The following DOCK3 variants were observed in gnomAD, a reference collection of about 807,000 sequenced individuals.
DOCK3 encodes dedicator of cytokinesis 3, also known as dedicator of cytokinesis protein 3.
In DOCK3, 60 loss-of-function variants were observed where a neutral mutation model predicts 265.6. That is an observed-to-expected ratio of 0.23 (90% CI 0.18 to 0.28). The LOEUF is 0.28. DOCK3 is among the 10% of genes least tolerant of loss of function. The pLI is 1.00. For synonymous variants in DOCK3, 881 were observed against 938.0 expected, an observed-to-expected ratio of 0.94 and a Z score of 1.11; for missense variants, 1,981 against 2,594.3, an observed-to-expected ratio of 0.76 and a Z score of 5.14.
chr3:51,293,476 A>G (rs1042525970), intron 27 of DOCK3, among the ~76,000 whole-genome samples: 5 of 152,198 alleles, frequency 3.3e-5, no homozygotes, highest in Admixed American at 1.3e-4. Context: ...AGAAGAATCA[A>G]CTGAAAATGG....
At chr3:51,309,618 GGAGAGCGAGAGCGAGAGCGAGAGC>G (rs71084141) in intron 27 of DOCK3, among the ~76,000 whole-genome samples, 2,858 of 150,758 alleles carry the variant, frequency 0.019, 105 homozygotes, top group African/African-American at 0.066. Flanking sequence ...AGAGGGAGAG[GGAGAGCGAGAGCGAGAGCGAGAGC>G]GAGAGCGAGA....
In DOCK3 at chr3:51,380,117, C is replaced by T; in HGVS notation, c.5501-8C>T. Reference sequence around the variant, plus strand: ...CCAGCTGAGGCTCTGGTTCTGTTCCCTTTGCAGGTCATTACTCCCTACACT... The same window carrying T: ...CCAGCTGAGGCTCTGGTTCTGTTCCTTTTGCAGGTCATTACTCCCTACACT... On this transcript the variant is annotated splice_polypyrimidine_tract_variant and splice_region_variant and intron_variant, in intron 51 of 52. Coordinates refer to ENST00000266037, the MANE Select transcript of DOCK3 (RefSeq NM_004947.5). 6.2e-7 allele frequency: 1 copy of T among 1,612,460 alleles called. No individual in the cohort carries two copies. Among genetic ancestry groups the T allele is most frequent in the Non-Finnish European group, 8.5e-7 (1 of 1,178,988 alleles).
chr3:50,739,671 C>G (rs979755602), intron 1 of DOCK3, among the ~76,000 whole-genome samples: 1 of 152,068 alleles, frequency 6.6e-6, no homozygotes, highest in Non-Finnish European at 1.5e-5. Context: ...ATATGCATCT[C>G]CTTTTTCAGA....
intron 32 of DOCK3, among the ~76,000 whole-genome samples, chr3:51,316,011 A>C (rs2083343133): frequency 6.6e-6 from 1 of 152,228 alleles, no homozygotes; most frequent in Non-Finnish European, 1.5e-5. Context: ...TTTATTTTTA[A>C]ATTTACATAG....
intron 1 of DOCK3, among the ~76,000 whole-genome samples, chr3:50,682,831 C>T (rs189821527): frequency 3.3e-5 from 5 of 152,302 alleles, no homozygotes; most frequent in Middle Eastern, 3.4e-3. Context: ...TCCAGCTGCT[C>T]GGAAGGCTGA....
intron 23 of DOCK3, among the ~76,000 whole-genome samples, chr3:51,266,023 A>T (rs1056761070): frequency 2.0e-5 from 3 of 152,192 alleles, no homozygotes; most frequent in Non-Finnish European, 2.9e-5. Flanking sequence ...AAGCATTCCT[A>T]TACACCAATA....
chr3:51,061,085 G>T (rs2081391748), intron 5 of DOCK3, among the ~76,000 whole-genome samples: 1 of 152,200 alleles, frequency 6.6e-6, no homozygotes, highest in Non-Finnish European at 1.5e-5. Flanking sequence ...AGGATGTGGA[G>T]AAATAGGAAC....
chr3:51,029,446 C>A (rs1329776074), intron 5 of DOCK3, among the ~76,000 whole-genome samples: 1 of 152,158 alleles, frequency 6.6e-6, no homozygotes, highest in East Asian at 1.9e-4. Flanking sequence ...AAAAATCATT[C>A]TTTTTCAGTG....
chr3:51,362,523 G>T lies in DOCK3; in HGVS notation c.5146-4G>T. ...CTATCCTGCTGATTTTTCTCCCTTT[G>T]CAGCTCGCGTATCCCAACCCCAGGT... On this transcript the variant is annotated splice_region_variant and splice_polypyrimidine_tract_variant and intron_variant, in intron 48 of 52. Coordinates refer to ENST00000266037, the MANE Select transcript of DOCK3 (RefSeq NM_004947.5). The T allele has an allele frequency of 6.2e-7, 1 of 1,613,832 alleles. No homozygotes were observed. The highest frequency in any genetic ancestry group is 8.5e-7 in the Non-Finnish European group (1 of 1,179,862).
intron 4 of DOCK3, among the ~76,000 whole-genome samples, chr3:50,911,038 T>A (rs2049826019): frequency 6.6e-6 from 1 of 152,052 alleles, no homozygotes. Flanking sequence ...GGAATTGAGT[T>A]CATTATATAT....
chr3:51,112,350 T>C (rs1560077952), intron 9 of DOCK3, among the ~76,000 whole-genome samples: 1 of 152,208 alleles, frequency 6.6e-6, no homozygotes, highest in Non-Finnish European at 1.5e-5. Context: ...GGATACATAT[T>C]GAATGATTTT....
At chr3:50,758,642 T>C (rs971811057) in intron 1 of DOCK3, among the ~76,000 whole-genome samples, 4 of 152,172 alleles carry the variant, frequency 2.6e-5, no homozygotes, top group African/African-American at 9.7e-5. Flanking sequence ...CTTCCTCAGC[T>C]TGAACTCTGT....
chr3:50,823,943 C>T (rs749725718), intron 2 of DOCK3, among the ~76,000 whole-genome samples: 2 of 152,132 alleles, frequency 1.3e-5, no homozygotes. Flanking sequence ...ATATTACTAC[C>T]TCCATTTTTT....
intron 10 of DOCK3, among the ~76,000 whole-genome samples, chr3:51,152,927 G>A (rs1334764773): frequency 1.3e-5 from 2 of 152,228 alleles, no homozygotes; most frequent in Non-Finnish European, 1.5e-5. Flanking sequence ...CTACTGGGAG[G>A]TGTCTCCCAG....
chr3:51,176,467 A>T (rs1455732612), intron 12 of DOCK3, among the ~76,000 whole-genome samples: 4 of 51,890 alleles, frequency 7.7e-5, no homozygotes, highest in East Asian at 3.1e-4. Context: ...AAATAAAAAA[A>T]AAAAAAAAAT....
At chr3:50,756,694 C>T (rs910072371) in intron 1 of DOCK3, among the ~76,000 whole-genome samples, 1 of 152,100 alleles carries the variant, frequency 6.6e-6, no homozygotes, top group African/African-American at 2.4e-5. Context: ...TGCATCCTCT[C>T]TTACACTTTT....
intron 1 of DOCK3, among the ~76,000 whole-genome samples, chr3:50,711,819 TTTTTTTTGTAGGAAG>T (rs1366573872): frequency 1.3e-5 from 2 of 151,936 alleles, no homozygotes; most frequent in African/African-American, 4.8e-5. Context: ...TGGGCTGTGC[TTTTTTTTGTAGGAAG>T]TTTTAAAAGT....
intron 4 of DOCK3, among the ~76,000 whole-genome samples, chr3:50,915,421 C>T (rs1290959063): frequency 6.6e-6 from 1 of 152,028 alleles, no homozygotes; most frequent in African/African-American, 2.4e-5. Context: ...GACTCCCCTC[C>T]CCAGCGAGAG....
At chr3:51,274,441 C>T (rs530093693) in intron 24 of DOCK3, among the ~76,000 whole-genome samples, 6 of 152,116 alleles carry the variant, frequency 3.9e-5, no homozygotes, top group Non-Finnish European at 8.8e-5. Flanking sequence ...ATGGAATTTT[C>T]ACTGTAAACT....
Sources: gnomAD v4.1 joint callset for allele counts (sites outside exome capture counted in the v4.1 genomes callset) on GRCh38, gnomAD v4.1.1 for gene constraint, MANE v1.5 for transcripts, NCBI Gene and HGNC (gene_info 2026-07-23, HGNC 2026-07-21) for gene names.